USH2A: variants seen among roughly 807,000 people sequenced by gnomAD.
The protein encoded by USH2A is Usher syndrome 2A (autosomal recessive, mild).
In USH2A, 443 loss-of-function variants were observed where a neutral mutation model predicts 538.9. That is an observed-to-expected ratio of 0.82 (90% CI 0.76 to 0.89). USH2A has a LOEUF of 0.89. Among genes scored for constraint, USH2A ranks in the 40% least tolerant of loss-of-function variants. The probability of loss-of-function intolerance (pLI) is 0.00; values close to 1 mark genes in which losing one functional copy is unlikely to be tolerated. For synonymous variants in USH2A, 2,413 were observed against 2,273.5 expected (o/e 1.06, Z -1.75); for missense variants, 6,633 against 6,324.8 (o/e 1.05, Z -1.65).
intron 43 of USH2A, among the ~76,000 whole-genome samples, chr1:215,867,673 C>T (rs934988758): frequency 1.3e-5 from 2 of 152,162 alleles, no homozygotes; most frequent in African/African-American, 4.8e-5. Context: ...GACAGATAAA[C>T]CCCTAAATTA....
intron 3 of USH2A, among the ~76,000 whole-genome samples, chr1:216,383,180 A>G (rs2102736140): frequency 6.6e-6 from 1 of 152,254 alleles, no homozygotes; most frequent in African/African-American, 2.4e-5. Context: ...ACACGATGCA[A>G]TGTATTAAAA....
At chr1:215,978,687 A>G (rs961281375) in intron 35 of USH2A, among the ~76,000 whole-genome samples, 3 of 152,192 alleles carry the variant, frequency 2.0e-5, no homozygotes, top group African/African-American at 4.8e-5. Context: ...TAAATAGTAG[A>G]CAGTAGGTAC....
rs2039682262 is a variant in USH2A at position 216,421,881 on chromosome 1, T to C, written c.456A>G (p.Val152=). ...PKLMASFTLA[V]WLKPEQQGVM... Reference sequence around the variant, plus strand: ...CACCTTGTTGCTCAGGTTTCAGCCATACAGCTAAGGTAAATGATGCCATCA... The same window carrying C: ...CACCTTGTTGCTCAGGTTTCAGCCACACAGCTAAGGTAAATGATGCCATCA... The change falls in exon 2 of 72, where the codon GTA becomes GTG. Residue 152 remains valine (V), a synonymous_variant. Transcript: ENST00000307340. 6.2e-7 allele frequency: 1 copy of C among 1,613,938 alleles called. No individual in the cohort carries two copies. The highest frequency in any genetic ancestry group is 1.3e-5 in the African/African-American group (1 of 75,026).
intron 33 of USH2A, among the ~76,000 whole-genome samples, chr1:215,999,527 A>G (rs1160828006): frequency 6.6e-6 from 1 of 152,200 alleles, no homozygotes; most frequent in Non-Finnish European, 1.5e-5. Flanking sequence ...GTGACACACT[A>G]CTTAGATACA....
chr1:215,769,855 G>A (rs1238849083), intron 55 of USH2A, among the ~76,000 whole-genome samples: 2 of 152,168 alleles, frequency 1.3e-5, no homozygotes, highest in Non-Finnish European at 2.9e-5. Context: ...GAACCAGGAG[G>A]ATGAGAGTGG....
chr1:216,288,171 T>C lies in USH2A; in HGVS notation c.1971+1109A>G, dbSNP rs147842528. 5.5e-3 allele frequency among the ~76,000 whole-genome samples: 843 copies of C among 152,198 alleles called. 8 individuals carry two copies. The highest frequency in any genetic ancestry group is 0.014 in the Middle Eastern group (4 of 292). On this transcript the variant is annotated intron_variant, in intron 11 of 71. Transcript: ENST00000307340. Reference sequence around the variant, plus strand: ...AGCCATGCTGAAAACTCAGGGTGGATGTGTAAAAATGAAATATAATCTAAA... The same window carrying C: ...AGCCATGCTGAAAACTCAGGGTGGACGTGTAAAAATGAAATATAATCTAAA...
At chr1:215,885,212 T>C (rs1474791313) in intron 41 of USH2A, among the ~76,000 whole-genome samples, 1 of 150,838 alleles carries the variant, frequency 6.6e-6, no homozygotes, top group Non-Finnish European at 1.5e-5. Context: ...TGCCTTTTTT[T>C]CTGCATCTAT....
intron 37 of USH2A, among the ~76,000 whole-genome samples, chr1:215,936,006 C>T (rs182347397): frequency 6.6e-6 from 1 of 152,132 alleles, no homozygotes; most frequent in Admixed American, 6.6e-5. Context: ...AATTGTGTCA[C>T]TGCACTCCAG....
intron 32 of USH2A, among the ~76,000 whole-genome samples, chr1:216,017,558 G>T (rs1668745397): frequency 6.6e-6 from 1 of 152,160 alleles, no homozygotes; most frequent in East Asian, 1.9e-4. Context: ...AAATATTCAT[G>T]TGACATACAA....
intron 4 of USH2A, among the ~76,000 whole-genome samples, chr1:216,360,676 A>C (rs1303382273): frequency 6.7e-6 from 1 of 148,558 alleles, no homozygotes; most frequent in Non-Finnish European, 1.5e-5. Flanking sequence ...TTTCCACTCA[A>C]TTTTTCTGTG....
intron 13 of USH2A, among the ~76,000 whole-genome samples, chr1:216,239,252 T>G (rs999481408): frequency 2.8e-4 from 43 of 152,204 alleles, no homozygotes; most frequent in Admixed American, 2.8e-3. Flanking sequence ...TTAAAAAATA[T>G]ATGATACTTA....
At chr1:216,223,406 CCTTTCCCT>C (rs779726745) in intron 14 of USH2A, among the ~76,000 whole-genome samples, 3 of 152,108 alleles carry the variant, frequency 2.0e-5, no homozygotes, top group Non-Finnish European at 2.9e-5. Context: ...CAACTCTTCA[CCTTTCCCT>C]CTGTGCAGGT....
At position 216,050,560 on chromosome 1, in the gene USH2A, T is replaced by TTTTCTTTCTTTCTTTCTTTCTTTCTTTC. The variant is rs67191347; in HGVS notation, c.6050-1941_6050-1914dup. Among the ~76,000 whole-genome samples the TTTTCTTTCTTTCTTTCTTTCTTTCTTTC allele has an allele frequency of 2.2e-3, 77 of 35,700 alleles. 6 individuals carry two copies. Among genetic ancestry groups the TTTTCTTTCTTTCTTTCTTTCTTTCTTTC allele is most frequent in the African/African-American group, 2.4e-3 (33 of 13,546 alleles). 23.4% of individuals were successfully genotyped at this position (35,700 alleles called of 152,430 possible). The stretch of plus-strand genomic sequence containing the variant: ...ACATGCTACTAGACAATTTGTATCT[T>TTTTCTTTCTTTCTTTCTTTCTTTCTTTC]TTTCTTTCTTTCTTTCTTTCTTTCT... On this transcript the variant is annotated intron_variant, in intron 30 of 71. Coordinates refer to ENST00000307340, the MANE Select transcript of USH2A (RefSeq NM_206933.4).
intron 58 of USH2A, among the ~76,000 whole-genome samples, chr1:215,747,703 C>A (rs1660510053): frequency 1.3e-5 from 2 of 152,144 alleles, no homozygotes; most frequent in African/African-American, 4.8e-5. Flanking sequence ...TGCAATTTGA[C>A]CTTCAGCAGG....
chr1:216,334,157 A>G (rs1327272681), intron 4 of USH2A, among the ~76,000 whole-genome samples: 1 of 152,054 alleles, frequency 6.6e-6, no homozygotes, highest in Non-Finnish European at 1.5e-5. Context: ...ATCTGTGTTG[A>G]TGGGCATCCA....
chr1:215,649,618 C>A (rs1010364878), intron 65 of USH2A, among the ~76,000 whole-genome samples: 3 of 152,038 alleles, frequency 2.0e-5, no homozygotes, highest in Non-Finnish European at 2.9e-5. Context: ...TGCTAATATT[C>A]CTTTAACATT....
intron 21 of USH2A, among the ~76,000 whole-genome samples, chr1:216,110,985 G>C (rs748143400): frequency 6.6e-6 from 1 of 152,148 alleles, no homozygotes; most frequent in Non-Finnish European, 1.5e-5. Context: ...CAGCACTTTG[G>C]GAGGTCAAGG....
intron 27 of USH2A, among the ~76,000 whole-genome samples, chr1:216,077,786 T>G (rs2031800404): frequency 6.7e-6 from 1 of 150,250 alleles, no homozygotes. Flanking sequence ...TATATAATTA[T>G]GTACCACATA....
chr1:215,958,336 A>C (rs1667119540), intron 37 of USH2A, among the ~76,000 whole-genome samples: 1 of 152,166 alleles, frequency 6.6e-6, no homozygotes, highest in South Asian at 2.1e-4. Context: ...CTTTCTGGTA[A>C]CTGGCAATTC....
Sources: gnomAD v4.1 joint callset for allele counts (sites outside exome capture counted in the v4.1 genomes callset) on GRCh38, gnomAD v4.1.1 for gene constraint, MANE v1.5 for transcripts, NCBI Gene and HGNC (gene_info 2026-07-23, HGNC 2026-07-21) for gene names.